The following TNKS variants were observed in gnomAD, a reference collection of about 807,000 sequenced individuals.
TNKS encodes the protein tankyrase.
A neutral mutation model predicts 135.8 loss-of-function variants in TNKS; 72 were observed. The observed-to-expected ratio is 0.53, with a 90% CI of 0.44 to 0.64. The LOEUF is 0.64. Ranked by LOEUF, TNKS falls within the 30% of genes least tolerant of loss-of-function variation. TNKS has a pLI of 0.00. For synonymous variants in TNKS, 849 were observed against 649.3 expected, an observed-to-expected ratio of 1.31 and a Z score of -4.68; for missense variants, 1,769 against 1,674.0, an observed-to-expected ratio of 1.06 and a Z score of -0.99.
intron 13 of TNKS, among the ~76,000 whole-genome samples, chr8:9,727,624 A>C (rs1481613133): frequency 6.6e-6 from 1 of 152,202 alleles, no homozygotes; most frequent in Non-Finnish European, 1.5e-5. Flanking sequence ...TTTGCTATTG[A>C]CACTCAGTAC....
At chr8:9,771,555 G>T (rs1466394446) in intron 26 of TNKS, among the ~76,000 whole-genome samples, 1 of 139,632 alleles carries the variant, frequency 7.2e-6, no homozygotes, top group Admixed American at 7.2e-5. Context: ...GAGGAAGCAA[G>T]GGAGAAAGCG....
chr8:9,651,752 C>A lies in TNKS; in HGVS notation c.995-28199C>A, dbSNP rs564185011. On this transcript the variant is annotated intron_variant, in intron 3 of 26. Coordinates refer to ENST00000310430, the MANE Select transcript of TNKS (RefSeq NM_003747.3). ...TGGTATGGGCTTGCATAAGAACATTCTTTTATGTGGGCTTGTTCCATATCC... is the reference window on the plus strand; with the variant it reads ...TGGTATGGGCTTGCATAAGAACATTATTTTATGTGGGCTTGTTCCATATCC... 5.9e-5 allele frequency among the ~76,000 whole-genome samples: 9 copies of A among 152,264 alleles called. No homozygotes were observed. The South Asian group carries it at 1.9e-3, about 32-fold the overall frequency.
At chr8:9,579,234 G>A (rs1163600578) in intron 1 of TNKS, among the ~76,000 whole-genome samples, 1 of 152,096 alleles carries the variant, frequency 6.6e-6, no homozygotes, top group Non-Finnish European at 1.5e-5. Flanking sequence ...CTCAAACTAA[G>A]TGAATCCAAG....
Position 9,662,367 on chromosome 8 carries a change from T to A in TNKS, c.995-17584T>A, listed in dbSNP as rs1288953181. ...ACCCAAATGTCCATCAACGATAGAC[T>A]GGATTAAGAAAATGTGGCACATATA... On this transcript the variant is annotated intron_variant, in intron 3 of 26. Transcript: ENST00000310430. Among the ~76,000 whole-genome samples the A allele has an allele frequency of 1.3e-5, 2 of 152,128 alleles. 1 individual carries two copies. The highest frequency in any genetic ancestry group is 4.1e-4 in the South Asian group (2 of 4,828).
chr8:9,757,537 CCTT>C (rs1806904456), intron 20 of TNKS, among the ~76,000 whole-genome samples: 1 of 152,140 alleles, frequency 6.6e-6, no homozygotes, highest in African/African-American at 2.4e-5. Flanking sequence ...TGAATTATGA[CCTT>C]CTTCTGAGAA....
At chr8:9,655,457 C>T (rs1167733724) in intron 3 of TNKS, among the ~76,000 whole-genome samples, 1 of 152,200 alleles carries the variant, frequency 6.6e-6, no homozygotes, top group East Asian at 1.9e-4. Context: ...AAGTGGGTCC[C>T]TGACCCCCGA....
At chr8:9,563,728 T>G (rs1486330119) in intron 1 of TNKS, among the ~76,000 whole-genome samples, 1 of 152,210 alleles carries the variant, frequency 6.6e-6, no homozygotes, top group African/African-American at 2.4e-5. Flanking sequence ...ATTCTCGTAT[T>G]CTCTTTTAGC....
rs1251048729 is a variant in TNKS, at chr8:9,564,263, A to G, written c.673+7651A>G. Among the ~76,000 whole-genome samples the G allele has an allele frequency of 2.0e-5, 3 of 152,284 alleles. No homozygotes were observed. In the East Asian group the frequency reaches 5.8e-4, roughly 29 times the overall value. ...CAATGAATTGAATAGGTCACAGGCC[A>G]GGTGTTCTTTCCTGACGGGAAGTGA... On this transcript the variant is annotated intron_variant, in intron 1 of 26. Coordinates refer to ENST00000310430, the MANE Select transcript of TNKS (RefSeq NM_003747.3).
At chr8:9,759,459 C>G (rs920093871) in intron 20 of TNKS, among the ~76,000 whole-genome samples, 1 of 152,232 alleles carries the variant, frequency 6.6e-6, no homozygotes, top group African/African-American at 2.4e-5. Flanking sequence ...GAGAGCTCCT[C>G]TCAGCCTTGC....
intron 5 of TNKS, among the ~76,000 whole-genome samples, chr8:9,697,210 C>G (rs1057232173): frequency 4.6e-5 from 7 of 152,126 alleles, no homozygotes; most frequent in Admixed American, 1.3e-4. Context: ...AAAGGATTCC[C>G]TATGCAAGAA....
At position 9,747,311 on chromosome 8, in the gene TNKS, G is replaced by C. The variant is rs80005534; in HGVS notation, c.2644-713G>C. Among the ~76,000 whole-genome samples the C allele has an allele frequency of 7.6e-4, 99 of 129,700 alleles. 1 individual carries two copies. In the East Asian group the frequency reaches 0.017, roughly 22 times the overall value. 85.1% of individuals were successfully genotyped at this position (129,700 alleles called of 152,430 possible). A position where few individuals can be genotyped will look rare whatever the true frequency, so the allele number is the denominator to read the frequency against. ...TTTGACTTTTCTCTCTCTCTCTTCT[G>C]TTGTGAATTTGGCTTTTAAACACAA... On this transcript the variant is annotated intron_variant, in intron 17 of 26. Coordinates refer to ENST00000310430, the MANE Select transcript of TNKS (RefSeq NM_003747.3).
At chr8:9,748,263 G>A (rs1181007680) in intron 18 of TNKS, 51 bp downstream of exon 18, 1 of 1,356,708 alleles carries the variant, frequency 7.4e-7, no homozygotes, top group Non-Finnish European at 9.6e-7. Flanking sequence ...TTTCACAGAT[G>A]ACATCAGATT....
At chr8:9,724,539 T>G (rs1418948003) in intron 12 of TNKS, among the ~76,000 whole-genome samples, 5 of 152,240 alleles carry the variant, frequency 3.3e-5, no homozygotes, top group African/African-American at 1.2e-4. Context: ...TCATGTTCCT[T>G]TTTTAATTTC....
At chr8:9,567,504 C>A (rs1051457082) in intron 1 of TNKS, among the ~76,000 whole-genome samples, 1 of 152,210 alleles carries the variant, frequency 6.6e-6, no homozygotes, top group Non-Finnish European at 1.5e-5. Flanking sequence ...CAAGCTCTGC[C>A]TCCCGGGTTC....
intron 3 of TNKS, among the ~76,000 whole-genome samples, chr8:9,672,219 G>A (rs1023721295): frequency 2.6e-5 from 4 of 152,018 alleles, no homozygotes; most frequent in African/African-American, 7.2e-5. Flanking sequence ...ATTTATAAGG[G>A]GTATGTATTA....
At chr8:9,641,763 A>G (rs770195348) in intron 3 of TNKS, among the ~76,000 whole-genome samples, 1 of 145,500 alleles carries the variant, frequency 6.9e-6, no homozygotes, top group Non-Finnish European at 1.5e-5. Context: ...ATGATATATT[A>G]TGTGCGTTTT....
intron 11 of TNKS, among the ~76,000 whole-genome samples, chr8:9,717,092 TATA>T (rs1563187741): frequency 1.6e-5 from 2 of 128,842 alleles, no homozygotes; most frequent in African/African-American, 2.8e-5. Context: ...TATATATATA[TATA>T]TATATATTTT....
At chr8:9,610,712 T>G (rs1799430186) in intron 2 of TNKS, among the ~76,000 whole-genome samples, 1 of 152,188 alleles carries the variant, frequency 6.6e-6, no homozygotes. Context: ...AATTTTAAAG[T>G]AAAAACTTCC....
intron 1 of TNKS, among the ~76,000 whole-genome samples, chr8:9,559,005 T>C (rs1563376689): frequency 6.6e-6 from 1 of 152,184 alleles, no homozygotes. Flanking sequence ...AGATGAGAAA[T>C]TGGTACAATC....
Sources: gnomAD v4.1 joint callset for allele counts (sites outside exome capture counted in the v4.1 genomes callset) on GRCh38, gnomAD v4.1.1 for gene constraint, MANE v1.5 for transcripts, NCBI Gene and HGNC (gene_info 2026-07-23, HGNC 2026-07-21) for gene names.